ODAD1: variants seen among roughly 807,000 people sequenced by gnomAD.
ODAD1 encodes outer dynein arm docking complex subunit 1.
Under a neutral mutation model 67.2 loss-of-function variants are expected in ODAD1, and 49 were observed. The observed-to-expected ratio is 0.73, with a 90% confidence interval of 0.58 to 0.92. The LOEUF (loss-of-function observed/expected upper bound fraction) is 0.92. ODAD1 is among the 40% of genes least tolerant of loss of function. The probability of loss-of-function intolerance (pLI) is 0.00; values close to 1 mark genes in which losing one functional copy is unlikely to be tolerated. For missense variants in ODAD1, 897 were observed against 953.7 expected, an observed-to-expected ratio of 0.94 and a Z score of 0.78; for synonymous variants, 345 against 393.7, an observed-to-expected ratio of 0.88 and a Z score of 1.46.
At chr19:48,301,400 G>A (rs1317097422) in intron 12 of ODAD1, among the ~76,000 whole-genome samples, 1 of 152,096 alleles carries the variant, frequency 6.6e-6, no homozygotes, top group Non-Finnish European at 1.5e-5. Flanking sequence ...GGGACAGTTG[G>A]AGGGACAGCA....
At chr19:48,303,543 A>G (rs752644643) in intron 10 of ODAD1, 107 bp downstream of exon 10, 16 of 1,406,772 alleles carry the variant, frequency 1.1e-5, no homozygotes, top group Non-Finnish European at 1.6e-5. Flanking sequence ...TTGTTCCTCC[A>G]GCACAGATGG....
intron 7 of ODAD1, among the ~76,000 whole-genome samples, chr19:48,308,153 G>A (rs542013461): frequency 1.3e-5 from 2 of 151,856 alleles, no homozygotes; most frequent in South Asian, 4.1e-4. Flanking sequence ...TATACAGGGG[G>A]AGAAAGAGAA....
chr19:48,302,778 G>C lies in ODAD1; in HGVS notation c.1156C>G (p.Arg386Gly). The change falls in exon 12 of 16, where the codon CGC (arginine) becomes GGC (glycine). Residue 386 changes from arginine to glycine, a missense_variant. Arg to Gly is a moderately radical substitution (Grantham distance 125). Coordinates refer to ENST00000674294, the MANE Select transcript of ODAD1 (RefSeq NM_001364171.2). ...QEQQQKVLQQ[R>G]MDKVHSEAER... ...GCCTCCGAGTGCACCTTGTCCATGC[G>C]CTGCTGCAACACCTTCTGCTGCTGC... 1 of 1,613,912 alleles carries C rather than the reference G, an allele frequency of 6.2e-7. No individual in the cohort carries two copies. Among genetic ancestry groups the C allele is most frequent in the Non-Finnish European group, 8.5e-7 (1 of 1,180,014 alleles).
intron 5 of ODAD1, 46 bp from the exon 6 acceptor site, chr19:48,312,162 G>A: frequency 6.6e-7 from 1 of 1,510,864 alleles, no homozygotes. Context: ...CTGAATGTGG[G>A]AGAGATTGAA....
Position 48,297,248 on chromosome 19 carries a change from G to C in ODAD1, c.1852C>G (p.Pro618Ala), listed in dbSNP as rs1057363632. 1 of 1,614,118 alleles carries C rather than the reference G, an allele frequency of 6.2e-7. No homozygotes were observed. The highest frequency in any genetic ancestry group is 8.5e-7 in the Non-Finnish European group (1 of 1,180,020). The part of the protein sequence containing the change: ...HLPSHITHGD[P>A]NTGHVTFGST... Reference sequence around the variant, plus strand: ...CCGAAGGTCACGTGGCCAGTGTTGGGGTCACCGTGCGTGATGTGGCTGGGC... The same window carrying C: ...CCGAAGGTCACGTGGCCAGTGTTGGCGTCACCGTGCGTGATGTGGCTGGGC... Residue 618 changes from proline to alanine, a missense_variant, in exon 16 of 16, where the codon CCC becomes GCC. Pro to Ala is a conservative substitution (Grantham distance 27). Coordinates refer to ENST00000674294, the MANE Select transcript of ODAD1 (RefSeq NM_001364171.2).
intron 12 of ODAD1, among the ~76,000 whole-genome samples, chr19:48,300,099 G>A (rs1425794420): frequency 6.6e-6 from 1 of 151,972 alleles, no homozygotes; most frequent in Non-Finnish European, 1.5e-5. Context: ...CTGAGGTCAG[G>A]AGTTTGAGAC....
At chr19:48,309,518 T>A (rs1316202017) in intron 7 of ODAD1, among the ~76,000 whole-genome samples, 1 of 152,148 alleles carries the variant, frequency 6.6e-6, no homozygotes, top group African/African-American at 2.4e-5. Flanking sequence ...AGCTGCCCCC[T>A]GCAGGTCTCC....
rs1028427522 is a variant in ODAD1 at position 48,321,082 on chromosome 19, C to CA, written c.-63-272dup. ...TGAAACCCCGTCTCTACTAAAAGTA[C>CA]AAAAAATTAGCCGGACATGGCGGCT... On this transcript the variant is annotated intron_variant, in intron 1 of 15. Coordinates refer to ENST00000674294, the MANE Select transcript of ODAD1 (RefSeq NM_001364171.2). Among the ~76,000 whole-genome samples the CA allele has an allele frequency of 1.5e-4, 23 of 152,192 alleles. 1 individual carries two copies. Among genetic ancestry groups the CA allele is most frequent in the African/African-American group, 5.5e-4 (23 of 41,524 alleles).
chr19:48,306,987 A>T (rs1968623983), intron 7 of ODAD1, among the ~76,000 whole-genome samples: 1 of 152,058 alleles, frequency 6.6e-6, no homozygotes, highest in African/African-American at 2.4e-5. Context: ...GTTTGAGACC[A>T]GCCTGACCAA....
chr19:48,318,116 C>A (rs140877646), intron 5 of ODAD1, among the ~76,000 whole-genome samples: 1 of 152,074 alleles, frequency 6.6e-6, no homozygotes, highest in Non-Finnish European at 1.5e-5. Flanking sequence ...TTCAGCCTCT[C>A]GAGTAGCTGG....
Position 48,304,368 on chromosome 19 carries a change from T to C in ODAD1, c.666-228A>G, listed in dbSNP as rs1600862394. Among the ~76,000 whole-genome samples the C allele has an allele frequency of 3.9e-5, 6 of 152,246 alleles. No individual in the cohort carries two copies. In the South Asian group the frequency reaches 1.2e-3, roughly 32 times the overall value. On this transcript the variant is annotated intron_variant, in intron 8 of 15. Transcript: ENST00000674294. ...TGGCTGGGCACGGTGGCTCAGGCTG[T>C]AATCCCAGCACTTTGGGAGGCAGGA...
rs946587944 is a variant in ODAD1, at chr19:48,296,653, G to A, written c.*323C>T. On this transcript the variant is annotated 3_prime_UTR_variant, in exon 16 of 16. Coordinates refer to ENST00000674294, the MANE Select transcript of ODAD1 (RefSeq NM_001364171.2). ...GAGAGAGAGCCGGAAACAGGAGGTG[G>A]GGGATCCACAGGGGGCCAGGGCTCA... 1 of 573,930 alleles carries A rather than the reference G, an allele frequency of 1.7e-6. No individual in the cohort carries two copies. Among genetic ancestry groups the A allele is most frequent in the African/African-American group, 2.0e-5 (1 of 50,388 alleles). 35.6% of individuals were successfully genotyped at this position (573,930 alleles called of 1,614,324 possible). A position where few individuals can be genotyped will look rare whatever the true frequency, so the allele number is the denominator to read the frequency against.
chr19:48,301,223 A>G (rs1968454440), intron 12 of ODAD1: 1 of 152,236 alleles, frequency 6.6e-6, no homozygotes, highest in African/African-American at 2.4e-5. Context: ...AGAGCATAAA[A>G]TCTTGCGACC....
Position 48,297,454 on chromosome 19 carries a change from A to C in ODAD1, c.1646T>G (p.Leu549Arg). 6.2e-7 allele frequency: 1 copy of C among 1,602,064 alleles called. No individual in the cohort carries two copies. Among genetic ancestry groups the C allele is most frequent in the Non-Finnish European group, 8.5e-7 (1 of 1,177,754 alleles). ...CAGGTCCACGCTCAGGGTGCCGTCC[A>C]GCTTCGCGGCGGCGGCGGCCAGGTC... ...QKDLAAAAAK[L>R]DGTLSVDLAS... is the part of the protein sequence containing the mutation. Residue 549 changes from leucine to arginine, a missense_variant, in exon 16 of 16, where the codon CTG becomes CGG. By Grantham distance (102) the Leu-to-Arg change is moderately radical. Coordinates refer to ENST00000674294, the MANE Select transcript of ODAD1 (RefSeq NM_001364171.2).
At chr19:48,321,646 T>G (rs1186752015) in intron 1 of ODAD1, 32 bp downstream of exon 1, 1 of 381,624 alleles carries the variant, frequency 2.6e-6, no homozygotes, top group Non-Finnish European at 4.6e-6. Context: ...GAAATGGTCC[T>G]GGGGAGGTCG....
Position 48,303,068 on chromosome 19 carries a change from T to G in ODAD1, c.1016A>C (p.Asn339Thr). ...EIEERNFAEF[N>T]FINEQNLELE... is the part of the protein sequence containing the mutation. ...CTCCAAGTTCTGCTCGTTGATGAAG[T>G]TGAACTCAGCAAAGTTGCGCTCCTC... The change falls in exon 11 of 16, where the codon AAC becomes ACC. Residue 339 changes from asparagine to threonine, a missense_variant. Coordinates refer to ENST00000674294, the MANE Select transcript of ODAD1 (RefSeq NM_001364171.2). The G allele has an allele frequency of 1.9e-6, 3 of 1,614,044 alleles. No homozygotes were observed. Among genetic ancestry groups the G allele is most frequent in the South Asian group, 1.1e-5 (1 of 91,078 alleles).
intron 8 of ODAD1, 67 bp from the exon 9 acceptor site, chr19:48,304,207 T>C (rs991341986): frequency 1.8e-5 from 24 of 1,321,822 alleles, no homozygotes; most frequent in Middle Eastern, 2.7e-4. Flanking sequence ...GTCCTGGGGA[T>C]GGGCGGGGTC....
At position 48,303,636 on chromosome 19, in the gene ODAD1, A is replaced by G. The variant is rs1431097294; in HGVS notation, c.988+14T>C. 11 of 1,612,878 alleles carry G rather than the reference A, an allele frequency of 6.8e-6. No individual in the cohort carries two copies. Among genetic ancestry groups the G allele is most frequent in the Admixed American group, 1.7e-5 (1 of 59,956 alleles). ...GGTCCCGGGCCTCCTCCCTCCACCC[A>G]GGGCCCCACTCACTCTCCAGATACT... is the stretch of plus-strand genomic sequence containing the variant. On this transcript the variant is annotated intron_variant, in intron 10 of 15. Coordinates refer to ENST00000674294, the MANE Select transcript of ODAD1 (RefSeq NM_001364171.2).
chr19:48,314,211 C>CAAAGTCATGTACCAAAGATTGGG (rs1968840407), intron 5 of ODAD1, among the ~76,000 whole-genome samples: 1 of 152,138 alleles, frequency 6.6e-6, no homozygotes, highest in African/African-American at 2.4e-5. Flanking sequence ...GGTGACATGT[C>CAAAGTCATGTACCAAAGATTGGG]TACAAGCCAA....
Sources: allele counts gnomAD v4.1 joint callset (sites outside exome capture counted in the v4.1 genomes callset), GRCh38; gene constraint gnomAD v4.1.1; transcripts MANE v1.5; gene names NCBI Gene and HGNC (gene_info 2026-07-23, HGNC 2026-07-21).